Variants in CSMD1 observed in about 807,000 individuals in gnomAD.
The protein encoded by CSMD1 is CUB and sushi domain-containing protein 1.
In CSMD1, 213 loss-of-function variants were observed where a neutral mutation model predicts 417.5. That is an observed-to-expected ratio of 0.51 (90% CI 0.46 to 0.57). CSMD1 has a LOEUF of 0.57. CSMD1 is among the 20% of genes least tolerant of loss of function. The pLI is 0.00. For synonymous variants in CSMD1, 2,862 were observed against 1,736.8 expected (o/e 1.65, Z -16.11); for missense variants, 6,923 against 4,529.7 (o/e 1.53, Z -15.17).
intron 26 of CSMD1, among the ~76,000 whole-genome samples, chr8:3,274,230 G>C (rs1403167651): frequency 6.6e-6 from 1 of 151,752 alleles, no homozygotes; most frequent in African/African-American, 2.4e-5. Context: ...CCATGTAGTT[G>C]AGCGGTTTTG....
intron 49 of CSMD1, among the ~76,000 whole-genome samples, chr8:3,055,970 G>A (rs1812190203): frequency 6.6e-6 from 1 of 152,112 alleles, no homozygotes; most frequent in African/African-American, 2.4e-5. Context: ...CGAGCCCTCT[G>A]TCCACACGAC....
At chr8:3,184,963 G>C (rs1031641236) in intron 36 of CSMD1, among the ~76,000 whole-genome samples, 13 of 152,176 alleles carry the variant, frequency 8.5e-5, no homozygotes, top group South Asian at 2.1e-4. Flanking sequence ...TCAAGGTCCT[G>C]TCACATCCCT....
chr8:4,020,126 C>G (rs373790271), intron 4 of CSMD1, among the ~76,000 whole-genome samples: 1 of 152,068 alleles, frequency 6.6e-6, no homozygotes, highest in Non-Finnish European at 1.5e-5. Context: ...AGGCTCTTTG[C>G]TAACCATTTT....
intron 5 of CSMD1, among the ~76,000 whole-genome samples, chr8:3,923,983 A>T (rs1174491444): frequency 6.6e-6 from 1 of 152,202 alleles, no homozygotes; most frequent in East Asian, 1.9e-4. Flanking sequence ...CTATACACTT[A>T]CCTTTACAGG....
intron 3 of CSMD1, among the ~76,000 whole-genome samples, chr8:4,338,030 T>C (rs1800270914): frequency 6.6e-6 from 1 of 152,150 alleles, no homozygotes; most frequent in African/African-American, 2.4e-5. Flanking sequence ...AATGCAAAGA[T>C]TTATTCCAAG....
At chr8:3,395,732 G>C (rs1039179705) in intron 17 of CSMD1, among the ~76,000 whole-genome samples, 2 of 152,122 alleles carry the variant, frequency 1.3e-5, no homozygotes, top group African/African-American at 4.8e-5. Context: ...CTTGTTACCT[G>C]ACTTTCACCC....
At chr8:4,981,321 G>A (rs1355201514) in intron 1 of CSMD1, among the ~76,000 whole-genome samples, 1 of 152,180 alleles carries the variant, frequency 6.6e-6, no homozygotes, top group East Asian at 1.9e-4. Context: ...AGCCCCTACT[G>A]GAGCAGGATG....
At chr8:3,489,109 C>T (rs925670661) in intron 11 of CSMD1, among the ~76,000 whole-genome samples, 2 of 152,038 alleles carry the variant, frequency 1.3e-5, no homozygotes, top group Non-Finnish European at 2.9e-5. Context: ...AATGGCTCTT[C>T]AGCAGTCTTT....
At position 3,502,844 on chromosome 8, in the gene CSMD1, C is replaced by A. The variant is rs1012250426; in HGVS notation, c.1345-9118G>T. Among the ~76,000 whole-genome samples the A allele has an allele frequency of 2.0e-5, 3 of 152,232 alleles. No individual in the cohort carries two copies. The South Asian group carries it at 6.2e-4, about 32-fold the overall frequency. On this transcript the variant is annotated intron_variant, in intron 10 of 69. Coordinates refer to ENST00000635120, the MANE Select transcript of CSMD1 (RefSeq NM_033225.6). ...AAATAGCAGCCGGAGTGAGCCCTAA[C>A]GTGCACTATGGACTTTGGTAATTCA...
intron 5 of CSMD1, among the ~76,000 whole-genome samples, chr8:3,994,621 GT>G (rs200144595): frequency 1.8e-3 from 263 of 148,676 alleles, no homozygotes; most frequent in East Asian, 3.0e-3. Flanking sequence ...AATCCGACTA[GT>G]TAAAAAAAAA....
chr8:2,978,794 T>C lies in CSMD1; in HGVS notation c.8384A>G (p.Asn2795Ser). ...SSPLPTCRVV[N>S]CSDPGFVENA... Reference sequence around the variant, plus strand: ...TTCCACAAAGCCTGGATCAGAACAGTTCACCACTAGAAAATAAAACATTTC... The same window carrying C: ...TTCCACAAAGCCTGGATCAGAACAGCTCACCACTAGAAAATAAAACATTTC... The change falls in exon 55 of 70, where the codon AAC becomes AGC. Residue 2795 changes from asparagine (N) to serine (S), a missense_variant. Asn to Ser is a conservative substitution (Grantham distance 46, BLOSUM62 1). Coordinates refer to ENST00000635120, the MANE Select transcript of CSMD1 (RefSeq NM_033225.6). The C allele has an allele frequency of 1.2e-6, 2 of 1,605,244 alleles. No individual in the cohort carries two copies. The highest frequency in any genetic ancestry group is 2.7e-5 in the African/African-American group (2 of 74,680).
At chr8:3,557,724 C>T (rs1216391321) in intron 10 of CSMD1, among the ~76,000 whole-genome samples, 1 of 152,126 alleles carries the variant, frequency 6.6e-6, no homozygotes, top group Non-Finnish European at 1.5e-5. Flanking sequence ...CTTCCTCTAC[C>T]TGTGGATACT....
chr8:3,543,748 T>C (rs1316749112), intron 10 of CSMD1, among the ~76,000 whole-genome samples: 4 of 152,194 alleles, frequency 2.6e-5, no homozygotes, highest in Non-Finnish European at 5.9e-5. Context: ...GAGATGTCTG[T>C]TGGACACTTA....
intron 12 of CSMD1, among the ~76,000 whole-genome samples, chr8:3,455,560 A>C (rs1816062827): frequency 6.6e-6 from 1 of 152,156 alleles, no homozygotes; most frequent in Non-Finnish European, 1.5e-5. Flanking sequence ...GGTCTGTTGG[A>C]ATTTGCTGGA....
chr8:3,141,872 A>T (rs1585458319), intron 41 of CSMD1, among the ~76,000 whole-genome samples: 1 of 145,180 alleles, frequency 6.9e-6, no homozygotes, highest in Non-Finnish European at 1.5e-5. Context: ...ATCTCTCCTC[A>T]CTGCAAGCTC....
chr8:4,645,964 T>C (rs954275915), intron 1 of CSMD1, among the ~76,000 whole-genome samples: 1 of 152,210 alleles, frequency 6.6e-6, no homozygotes, highest in Non-Finnish European at 1.5e-5. Context: ...GTCGGTTATA[T>C]TCCTCAGCCA....
intron 12 of CSMD1, among the ~76,000 whole-genome samples, chr8:3,415,437 A>C (rs1469701572): frequency 6.6e-6 from 1 of 152,214 alleles, no homozygotes; most frequent in African/African-American, 2.4e-5. Flanking sequence ...AGCTCACTGT[A>C]ACCTCTACCT....
Position 3,399,386 on chromosome 8 carries a change from C to G in CSMD1, c.2405+5G>C. ...GGTCCAAATGAAGACTAATTTTTTT[C>G]TTACCTGTCAAAAGTTATTTTGATA... On this transcript the variant is annotated splice_donor_5th_base_variant and intron_variant, in intron 16 of 69. Coordinates refer to ENST00000635120, the MANE Select transcript of CSMD1 (RefSeq NM_033225.6). The G allele has an allele frequency of 1.3e-6, 2 of 1,592,504 alleles. No homozygotes were observed. The highest frequency in any genetic ancestry group is 1.7e-6 in the Non-Finnish European group (2 of 1,170,752).
At chr8:3,466,940 T>C (rs558256188) in intron 12 of CSMD1, among the ~76,000 whole-genome samples, 1 of 152,274 alleles carries the variant, frequency 6.6e-6, no homozygotes, top group East Asian at 1.9e-4. Flanking sequence ...TATTGGTTAA[T>C]GGTTTTAATT....
Sources: allele counts gnomAD v4.1 joint callset (sites outside exome capture counted in the v4.1 genomes callset), GRCh38; gene constraint gnomAD v4.1.1; transcripts MANE v1.5; gene names NCBI Gene and HGNC (gene_info 2026-07-23, HGNC 2026-07-21).